GBF1: variants seen among roughly 807,000 people sequenced by gnomAD.
GBF1 encodes Golgi-specific brefeldin A-resistance guanine nucleotide exchange factor 1.
A neutral mutation model predicts 210.5 loss-of-function variants in GBF1; 114 were observed. That is an observed-to-expected ratio of 0.54 (90% CI 0.47 to 0.63). The LOEUF (loss-of-function observed/expected upper bound fraction) is 0.63, where lower values mean the gene tolerates loss of function less well. Among genes scored for constraint, GBF1 ranks in the 30% least tolerant of loss-of-function variants. The pLI, the probability that GBF1 is intolerant of heterozygous loss-of-function variation, is 0.00. For synonymous variants in GBF1, 850 were observed against 889.2 expected (o/e 0.96, Z 0.78); for missense variants, 1,851 against 2,357.7 (o/e 0.79, Z 4.45).
At chr10:102,379,792 C>T (rs930215979) in intron 35 of GBF1, 61 bp from the exon 36 acceptor site, 1 of 1,510,836 alleles carries the variant, frequency 6.6e-7, no homozygotes, top group African/African-American at 1.4e-5. Flanking sequence ...TCCTGGCTTC[C>T]TTGGGGCAAG....
intron 1 of GBF1, among the ~76,000 whole-genome samples, chr10:102,256,003 T>C (rs1387940401): frequency 6.6e-6 from 1 of 152,232 alleles, no homozygotes; most frequent in Non-Finnish European, 1.5e-5. Context: ...TTGAGTGCAG[T>C]GGCACGAACG....
At chr10:102,306,311 A>G (rs1182574851) in intron 3 of GBF1, among the ~76,000 whole-genome samples, 1 of 152,224 alleles carries the variant, frequency 6.6e-6, no homozygotes, top group Non-Finnish European at 1.5e-5. Flanking sequence ...GTTTCTGAGC[A>G]TGGGAGTTCT....
intron 2 of GBF1, among the ~76,000 whole-genome samples, chr10:102,259,810 A>G (rs2072956667): frequency 6.6e-6 from 1 of 152,234 alleles, no homozygotes; most frequent in Non-Finnish European, 1.5e-5. Flanking sequence ...CTTGAGTGTT[A>G]TGGTGATGAT....
In GBF1 at chr10:102,258,275, C is replaced by T. The variant is rs73346833; in HGVS notation, c.-10-654C>T. 4.6e-3 allele frequency among the ~76,000 whole-genome samples: 692 copies of T among 151,130 alleles called. 9 individuals are homozygous for T. Among genetic ancestry groups the T allele is most frequent in the African/African-American group, 0.015 (623 of 41,288 alleles). On this transcript the variant is annotated intron_variant, in intron 1 of 39. Coordinates refer to ENST00000369983, the MANE Select transcript of GBF1 (RefSeq NM_001377137.1). Reference sequence around the variant, plus strand: ...GTCCAAGCAATTCTCCCATCTCAGCCTCCCGGGTGGCTGAGATTACAGGCA... The same window carrying T: ...GTCCAAGCAATTCTCCCATCTCAGCTTCCCGGGTGGCTGAGATTACAGGCA...
intron 22 of GBF1, 48 bp from the exon 23 acceptor site, chr10:102,368,691 C>T (rs1362953768): frequency 2.2e-6 from 3 of 1,339,380 alleles, no homozygotes; most frequent in Non-Finnish European, 3.2e-6. Flanking sequence ...GGAAGGGCTG[C>T]TTGGCCTTCC....
the GBF1 span, chr10:102,231,805 G>C: frequency 6.3e-7 from 1 of 1,594,570 alleles, no homozygotes; most frequent in Non-Finnish European, 8.5e-7. Context: ...GGGCCAGGGT[G>C]GGGGCAGGTC....
At position 102,382,207 on chromosome 10, in the gene GBF1, G is replaced by A; in HGVS notation, c.5454G>A (p.Leu1818=). The part of the protein sequence containing the change: ...PLILQPLASP[L]QVGVPPMTLP... ...TCCTGCAGCCCTTGGCCTCCCCACTGCAGGTGGGCGTGCCACCTATGACTC... is the reference window on the plus strand; with the variant it reads ...TCCTGCAGCCCTTGGCCTCCCCACTACAGGTGGGCGTGCCACCTATGACTC... The change falls in exon 40 of 40, where the codon CTG becomes CTA. Residue 1818 remains leucine, a synonymous_variant. Transcript: ENST00000369983. 1 of 1,614,032 alleles carries A rather than the reference G, an allele frequency of 6.2e-7. No homozygotes were observed. The highest frequency in any genetic ancestry group is 1.1e-5 in the South Asian group (1 of 91,080).
chr10:102,321,358 C>A (rs189663468), intron 3 of GBF1, among the ~76,000 whole-genome samples: 1 of 135,030 alleles, frequency 7.4e-6, no homozygotes, highest in African/African-American at 2.5e-5. Flanking sequence ...TAATTTGCAT[C>A]TTTCTTTAAT....
At chr10:102,248,395 ATTAT>A (rs1259197650) in intron 1 of GBF1, among the ~76,000 whole-genome samples, 2 of 152,022 alleles carry the variant, frequency 1.3e-5, no homozygotes, top group African/African-American at 4.8e-5. Context: ...CATAGAAGTG[ATTAT>A]TTGTTCTAGT....
Position 102,344,163 on chromosome 10 carries a change from C to T in GBF1, c.276C>T (p.Phe92=), listed in dbSNP as rs138013842. 2 of 1,613,726 alleles carry T rather than the reference C, an allele frequency of 1.2e-6. No individual in the cohort carries two copies. The highest frequency in any genetic ancestry group is 1.3e-5 in the African/African-American group (1 of 74,940). ...TGLALTSVNK[F]LSYALIDPTH... The stretch of plus-strand genomic sequence containing the variant: ...TGGCACTCACCTCTGTCAACAAGTT[C>T]CTGTCCTATGCACTCATAGGTAAGA... The change falls in exon 4 of 40, where the codon TTC becomes TTT. Residue 92 remains phenylalanine, a synonymous_variant. Transcript: ENST00000369983.
intron 1 of GBF1, among the ~76,000 whole-genome samples, chr10:102,251,836 A>G (rs1029508529): frequency 6.6e-6 from 1 of 152,126 alleles, no homozygotes; most frequent in Non-Finnish European, 1.5e-5. Flanking sequence ...GATCACAGAC[A>G]TCAGCCACTG....
intron 29 of GBF1, among the ~76,000 whole-genome samples, chr10:102,375,014 G>GA (rs1005489072): frequency 1.3e-4 from 19 of 147,254 alleles, no homozygotes; most frequent in East Asian, 9.9e-4. Context: ...TTCCAAAAAA[G>GA]AAAAAAAAAA....
At chr10:102,232,221 T>C in the GBF1 span, 8 of 653,344 alleles carry the variant, frequency 1.2e-5, no homozygotes, top group Non-Finnish European at 2.2e-5. Flanking sequence ...TGGGGCTGCG[T>C]GGGGCTCCTT....
chr10:102,360,526 G>A, intron 12 of GBF1, 131 bp downstream of exon 12: 3 of 648,454 alleles, frequency 4.6e-6, no homozygotes, highest in Non-Finnish European at 8.2e-6. Flanking sequence ...AGTAGTTTTA[G>A]TAAGAGGGTT....
At chr10:102,260,473 C>CTTTTTTTTTTTTTTTTTTTTTT (rs879575033) in intron 3 of GBF1, among the ~76,000 whole-genome samples, 1 of 74,794 alleles carries the variant, frequency 1.3e-5, no homozygotes, top group Non-Finnish European at 2.3e-5. Context: ...ATTTTCCTTT[C>CTTTTTTTTTTTTTTTTTTTTTT]TTCTTTTTTT....
chr10:102,274,460 C>T (rs981511368), intron 3 of GBF1, among the ~76,000 whole-genome samples: 1 of 151,850 alleles, frequency 6.6e-6, no homozygotes, highest in Non-Finnish European at 1.5e-5. Context: ...TTTTTTTCAC[C>T]TATAATATGT....
intron 3 of GBF1, among the ~76,000 whole-genome samples, chr10:102,327,011 A>G (rs2056953060): frequency 6.6e-6 from 1 of 152,144 alleles, no homozygotes; most frequent in Admixed American, 6.5e-5. Flanking sequence ...ATGTTCACTT[A>G]CCTGCTTTAA....
chr10:102,337,439 A>G (rs558272349), intron 3 of GBF1, among the ~76,000 whole-genome samples: 7 of 152,056 alleles, frequency 4.6e-5, no homozygotes, highest in African/African-American at 7.2e-5. Context: ...TCTTCATCAC[A>G]GATAATTTGA....
chr10:102,381,043 G>T (rs1346056434), intron 38 of GBF1, 84 bp from the exon 39 acceptor site: 4 of 1,324,424 alleles, frequency 3.0e-6, no homozygotes, highest in Non-Finnish European at 4.2e-6. Flanking sequence ...GCCCTGGGTG[G>T]GTAGAAAGGC....
Sources: gnomAD v4.1 joint callset for allele counts (sites outside exome capture counted in the v4.1 genomes callset) on GRCh38, gnomAD v4.1.1 for gene constraint, MANE v1.5 for transcripts, NCBI Gene and HGNC (gene_info 2026-07-23, HGNC 2026-07-21) for gene names.